CLSTN2: variants seen among roughly 807,000 people sequenced by gnomAD.
CLSTN2 encodes the protein calsyntenin-2.
Under a neutral mutation model 101.2 loss-of-function variants are expected in CLSTN2, and 48 were observed. The ratio of observed to expected loss-of-function variants is 0.47; its 90% confidence interval spans 0.38 to 0.60. The LOEUF is 0.60. CLSTN2 is among the 20% of genes least tolerant of loss of function. The probability of loss-of-function intolerance (pLI) is 0.00; values close to 1 mark genes in which losing one functional copy is unlikely to be tolerated. For synonymous variants in CLSTN2, 481 were observed against 463.6 expected, an observed-to-expected ratio of 1.04 and a Z score of -0.48; for missense variants, 1,160 against 1,238.2, an observed-to-expected ratio of 0.94 and a Z score of 0.95.
At chr3:140,264,786 A>G (rs946141489) in intron 2 of CLSTN2, among the ~76,000 whole-genome samples, 19 of 152,122 alleles carry the variant, frequency 1.2e-4, no homozygotes, top group African/African-American at 4.6e-4. Flanking sequence ...GACAGCTGAA[A>G]AAAATGATGA....
chr3:140,516,869 G>A (rs1009578204), intron 8 of CLSTN2, among the ~76,000 whole-genome samples: 4 of 152,170 alleles, frequency 2.6e-5, no homozygotes, highest in African/African-American at 9.7e-5. Context: ...GTATTTGGAT[G>A]TCTAGATCTC....
rs1354336578 is a variant in CLSTN2, at chr3:140,417,209, C to T, written c.638-3916C>T. Among the ~76,000 whole-genome samples, 3 of 151,962 alleles carry T rather than the reference C, an allele frequency of 2.0e-5. No individual in the cohort carries two copies. The East Asian group carries it at 5.8e-4, about 29-fold the overall frequency. On this transcript the variant is annotated intron_variant, in intron 4 of 16. Transcript: ENST00000458420. ...TTAACATTTAACTATATGTATTTTC[C>T]CCATCTTTAAACGTTCTTTATAATC...
Position 140,100,583 on chromosome 3 carries a change from A to G in CLSTN2, c.110-75368A>G, listed in dbSNP as rs111507384. 5.3e-3 allele frequency among the ~76,000 whole-genome samples: 812 copies of G among 152,368 alleles called. 2 individuals are homozygous for G. The highest frequency in any genetic ancestry group is 8.2e-3 in the Non-Finnish European group (559 of 68,036). On this transcript the variant is annotated intron_variant, in intron 1 of 16. Transcript: ENST00000458420. ...GATAGAAAAATGTAAGTTTGCAGTC[A>G]CTAGAAGGCTTTACTTTCTTTTGCT...
chr3:140,027,282 T>C (rs1298171393), intron 1 of CLSTN2, among the ~76,000 whole-genome samples: 1 of 151,982 alleles, frequency 6.6e-6, no homozygotes, highest in African/African-American at 2.4e-5. Context: ...CAGATGCAAA[T>C]AGTTAAGATG....
intron 2 of CLSTN2, among the ~76,000 whole-genome samples, chr3:140,216,321 G>A (rs549125909): frequency 2.6e-4 from 40 of 152,260 alleles, no homozygotes; most frequent in African/African-American, 9.6e-4. Context: ...GAAGCAGAAG[G>A]GATGAAGGAA....
intron 10 of CLSTN2, among the ~76,000 whole-genome samples, chr3:140,550,939 C>T (rs1252125515): frequency 3.8e-4 from 57 of 151,728 alleles, no homozygotes; most frequent in African/African-American, 1.2e-3. Context: ...ACTAGAGCAC[C>T]GTGTGAGAAG....
intron 6 of CLSTN2, among the ~76,000 whole-genome samples, chr3:140,450,445 G>A (rs951529483): frequency 5.3e-5 from 8 of 152,098 alleles, no homozygotes; most frequent in African/African-American, 1.9e-4. Context: ...ACATGGTGAT[G>A]GGCCTCCTTC....
At chr3:140,224,709 G>A (rs762365998) in intron 2 of CLSTN2, among the ~76,000 whole-genome samples, 1 of 152,160 alleles carries the variant, frequency 6.6e-6, no homozygotes, top group Non-Finnish European at 1.5e-5. Context: ...GCCCAGTCCT[G>A]TGTCAGAGGA....
intron 2 of CLSTN2, among the ~76,000 whole-genome samples, chr3:140,179,128 A>C (rs2107830502): frequency 6.6e-6 from 1 of 152,320 alleles, no homozygotes; most frequent in South Asian, 2.1e-4. Context: ...AAATTCAAAG[A>C]TTTAACATAG....
chr3:140,361,975 T>A (rs1442229946), intron 2 of CLSTN2, among the ~76,000 whole-genome samples: 1 of 152,132 alleles, frequency 6.6e-6, no homozygotes, highest in Non-Finnish European at 1.5e-5. Context: ...ATTGACAACC[T>A]GATTTTGGAA....
At chr3:139,979,336 G>A (rs1218292694) in intron 1 of CLSTN2, among the ~76,000 whole-genome samples, 1 of 152,224 alleles carries the variant, frequency 6.6e-6, no homozygotes, top group Non-Finnish European at 1.5e-5. Context: ...ATGTGAGGCA[G>A]TTCTGTGGTC....
chr3:140,528,607 T>G (rs1432798391), intron 8 of CLSTN2, among the ~76,000 whole-genome samples: 2 of 147,822 alleles, frequency 1.4e-5, no homozygotes, highest in African/African-American at 2.6e-5. Context: ...GTGTATATCT[T>G]TATATGTCCC....
chr3:140,099,821 G>A (rs920342201), intron 1 of CLSTN2, among the ~76,000 whole-genome samples: 1 of 152,206 alleles, frequency 6.6e-6, no homozygotes, highest in African/African-American at 2.4e-5. Flanking sequence ...CAGGTTAAGG[G>A]GTAAGTTGAA....
chr3:140,510,951 A>G (rs1488286456), intron 8 of CLSTN2, among the ~76,000 whole-genome samples: 1 of 152,160 alleles, frequency 6.6e-6, no homozygotes, highest in African/African-American at 2.4e-5. Context: ...AGATCATCCC[A>G]TCACCTAGGT....
chr3:140,273,982 T>G (rs2086769179), intron 2 of CLSTN2, among the ~76,000 whole-genome samples: 1 of 152,008 alleles, frequency 6.6e-6, no homozygotes, highest in South Asian at 2.1e-4. Context: ...GTGACCATCA[T>G]CCTCCTCAGG....
chr3:140,109,493 C>T (rs907517691), intron 1 of CLSTN2, among the ~76,000 whole-genome samples: 6 of 152,182 alleles, frequency 3.9e-5, no homozygotes, highest in African/African-American at 1.4e-4. Flanking sequence ...TGGCGAATCT[C>T]CCTTCCTGTT....
At chr3:140,384,918 T>A (rs1559855117) in intron 2 of CLSTN2, among the ~76,000 whole-genome samples, 1 of 151,820 alleles carries the variant, frequency 6.6e-6, no homozygotes. Flanking sequence ...TGTCAAGGAG[T>A]GGAAATATGG....
At chr3:140,162,498 G>A (rs2010064816) in intron 1 of CLSTN2, among the ~76,000 whole-genome samples, 1 of 152,154 alleles carries the variant, frequency 6.6e-6, no homozygotes, top group Non-Finnish European at 1.5e-5. Context: ...GAGCTGAACT[G>A]AGCAGGCAGG....
At chr3:140,186,571 C>G (rs1049694925) in intron 2 of CLSTN2, among the ~76,000 whole-genome samples, 1 of 152,118 alleles carries the variant, frequency 6.6e-6, no homozygotes, top group Admixed American at 6.5e-5. Flanking sequence ...TATCTTGTAG[C>G]TGCCTGTAAT....
Sources: allele counts gnomAD v4.1 joint callset (sites outside exome capture counted in the v4.1 genomes callset), GRCh38; gene constraint gnomAD v4.1.1; transcripts MANE v1.5; gene names NCBI Gene and HGNC (gene_info 2026-07-23, HGNC 2026-07-21).